The following FBXL22 variants were observed in gnomAD, a reference collection of about 807,000 sequenced individuals.
FBXL22 encodes F-box and leucine-rich protein 22.
FBXL22 carries 13 observed loss-of-function variants against 11.7 expected under a neutral mutation model. The observed-to-expected ratio is 1.11, with a 90% CI of 0.73 to 1.77. FBXL22 has a LOEUF of 1.77. Among genes scored for constraint, FBXL22 ranks in the 40% most tolerant of loss-of-function variants. The pLI is 0.00. For synonymous variants in FBXL22, 160 were observed against 144.1 expected, an observed-to-expected ratio of 1.11 and a Z score of -0.79; for missense variants, 406 against 320.4, an observed-to-expected ratio of 1.27 and a Z score of -2.04.
downstream of FBXL22, among the ~76,000 whole-genome samples, chr15:63,604,375 C>T (rs1029809206): frequency 6.6e-6 from 1 of 152,178 alleles, no homozygotes; most frequent in Non-Finnish European, 1.5e-5. Flanking sequence ...TCCCAGTTAA[C>T]CCTCCAATGC....
chr15:63,601,751 C>G, downstream of FBXL22: 1 of 1,518,670 alleles, frequency 6.6e-7, no homozygotes, highest in South Asian at 1.2e-5. Flanking sequence ...TGCATAGTTA[C>G]CCATATTTTC....
rs556267212 is a variant in FBXL22, at chr15:63,600,745, C to T, written c.402C>T (p.Thr134=). Residue 134 remains threonine (T), a synonymous_variant, in exon 2 of 2, where the codon ACC becomes ACT. Coordinates refer to ENST00000638704, the MANE Select transcript of FBXL22 (RefSeq NM_001367807.1). ...CGCTCTCGGGCTGCGGCCACGTTACCGACGACTGCCTGGCGCGCCTGCTGC... is the reference window on the plus strand; with the variant it reads ...CGCTCTCGGGCTGCGGCCACGTTACTGACGACTGCCTGGCGCGCCTGCTGC... ...SVTLSGCGHV[T]DDCLARLLRC... is the part of the protein sequence containing the mutation. 1.6e-6 allele frequency: 2 copies of T among 1,231,502 alleles called. No individual in the cohort carries two copies. Among genetic ancestry groups the T allele is most frequent in the African/African-American group, 1.5e-5 (1 of 64,522 alleles). The allele number at this position is 1,231,502 out of a possible 1,614,324, so 76.3% of individuals were successfully genotyped here.
At chr15:63,606,260 T>C (rs1595799831), downstream of FBXL22, among the ~76,000 whole-genome samples, 1 of 152,226 alleles carries the variant, frequency 6.6e-6, no homozygotes, top group Middle Eastern at 3.2e-3. Context: ...GCTCACAAGA[T>C]GTGGGCTTCA....
chr15:63,601,019 G>A lies in FBXL22; in HGVS notation c.676G>A (p.Gly226Ser), dbSNP rs977587996. The A allele has an allele frequency of 1.4e-5, 17 of 1,207,572 alleles. No homozygotes were observed. Among genetic ancestry groups the A allele is most frequent in the Middle Eastern group, 6.5e-4 (2 of 3,088 alleles). The allele number at this position is 1,207,572 out of a possible 1,614,324, so 74.8% of individuals were successfully genotyped here. A position where few individuals can be genotyped will look rare whatever the true frequency, so the allele number is the denominator to read the frequency against. ...PRPRAPAAALGKLLQR is the reference protein window; with the variant it reads ...PRPRAPAAALSKLLQR ...CCCGCGCGCGCCCGCCGCGGCCCTCGGCAAGCTGCTGCAGCGCTAGACGCC... is the reference window on the plus strand; with the variant it reads ...CCCGCGCGCGCCCGCCGCGGCCCTCAGCAAGCTGCTGCAGCGCTAGACGCC... Residue 226 changes from glycine to serine, a missense_variant, in exon 2 of 2, where the codon GGC becomes AGC. Transcript: ENST00000638704.
Position 63,597,844 on chromosome 15 carries a change from C to A in FBXL22, c.353+99C>A. The A allele has an allele frequency of 1.7e-6, 2 of 1,188,518 alleles. No individual in the cohort carries two copies. The highest frequency in any genetic ancestry group is 2.3e-6 in the Non-Finnish European group (2 of 868,774). The allele number at this position is 1,188,518 out of a possible 1,614,324, so 73.6% of individuals were successfully genotyped here. On this transcript the variant is annotated intron_variant, in intron 1 of 1. Coordinates refer to ENST00000638704, the MANE Select transcript of FBXL22 (RefSeq NM_001367807.1). This position sits in a 1 kb window ranked among gnomAD's most constrained non-coding sequence, Gnocchi z 4.3. ...AAATTACGAGACCAAGATGGCTCCA[C>A]CTTCGGGGCGCCTCAAACTAGGCCC...
chr15:63,605,255 G>C (rs2067407617), downstream of FBXL22, among the ~76,000 whole-genome samples: 1 of 152,202 alleles, frequency 6.6e-6, no homozygotes, highest in African/African-American at 2.4e-5. Flanking sequence ...CTGAGGTTGA[G>C]GGGGTGTTCT....
chr15:63,605,374 G>A (rs1410846410), downstream of FBXL22, among the ~76,000 whole-genome samples: 1 of 152,172 alleles, frequency 6.6e-6, no homozygotes, highest in Non-Finnish European at 1.5e-5. Context: ...GGGACTGGGG[G>A]ATAGGGGGAG....
In FBXL22 at chr15:63,599,593, G is replaced by C. The variant is rs989375270; in HGVS notation, c.354-1104G>C. 82 of 1,012,808 alleles carry C rather than the reference G, an allele frequency of 8.1e-5. No individual in the cohort carries two copies. In the African/African-American group the frequency reaches 1.3e-3, roughly 16 times the overall value. The allele number at this position is 1,012,808 out of a possible 1,614,324, so 62.7% of individuals were successfully genotyped here. A position where few individuals can be genotyped will look rare whatever the true frequency, so the allele number is the denominator to read the frequency against. ...ACAAACCTGAAGGAGGCCCGGGCTC[G>C]GTGTGACACCTGGCTGCACCCAACA... On this transcript the variant is annotated intron_variant, in intron 1 of 1. Transcript: ENST00000638704.
rs2067354667 is a variant in FBXL22, at chr15:63,600,751, C to G, written c.408C>G (p.Asp136Glu). The G allele has an allele frequency of 8.1e-7, 1 of 1,231,402 alleles. No individual in the cohort carries two copies. The highest frequency in any genetic ancestry group is 1.6e-5 in the African/African-American group (1 of 64,410). 76.3% of individuals were successfully genotyped at this position (1,231,402 alleles called of 1,614,324 possible). ...CGGGCTGCGGCCACGTTACCGACGACTGCCTGGCGCGCCTGCTGCGCTGCT... is the reference window on the plus strand; with the variant it reads ...CGGGCTGCGGCCACGTTACCGACGAGTGCCTGGCGCGCCTGCTGCGCTGCT... ...TLSGCGHVTDDCLARLLRCCP... is the reference protein window; with the variant it reads ...TLSGCGHVTDECLARLLRCCP... Residue 136 changes from aspartate (D) to glutamate (E), a missense_variant, in exon 2 of 2, where the codon GAC becomes GAG. Asp to Glu is a conservative substitution (Grantham distance 45). Transcript: ENST00000638704.
chr15:63,604,914 T>C (rs890765379), downstream of FBXL22, among the ~76,000 whole-genome samples: 106 of 152,182 alleles, frequency 7.0e-4, no homozygotes, highest in Non-Finnish European at 3.7e-4. Flanking sequence ...TAGCTAGGCA[T>C]GATGGCGGGT....
chr15:63,601,387 G>T (rs558022835), downstream of FBXL22: 1 of 1,603,246 alleles, frequency 6.2e-7, no homozygotes, highest in African/African-American at 1.3e-5. Flanking sequence ...ACCTCGGTGG[G>T]GAGGACCTGA....
At chr15:63,600,135 A>G in intron 1 of FBXL22, 3 of 985,860 alleles carry the variant, frequency 3.0e-6, no homozygotes, top group Non-Finnish European at 3.6e-6. Flanking sequence ...CAGGGGATGC[A>G]GGAACAGCTC....
chr15:63,600,365 A>T (rs1331363107), intron 1 of FBXL22: 1 of 1,106,722 alleles, frequency 9.0e-7, no homozygotes, highest in Non-Finnish European at 1.1e-6. Context: ...ACAAAGAGTC[A>T]AGGGTTGTGG....
chr15:63,605,402 G>A (rs761873704), downstream of FBXL22, among the ~76,000 whole-genome samples: 1 of 152,140 alleles, frequency 6.6e-6, no homozygotes, highest in Non-Finnish European at 1.5e-5. Context: ...CATATCCTTG[G>A]GGGGCTAGAA....
At chr15:63,599,847 C>A in intron 1 of FBXL22, 5 of 985,754 alleles carry the variant, frequency 5.1e-6, no homozygotes, top group Non-Finnish European at 6.0e-6. Flanking sequence ...GTTAGGACTG[C>A]CTGTGGAAGG....
intron 1 of FBXL22, chr15:63,599,687 G>A: frequency 2.0e-6 from 2 of 987,054 alleles, no homozygotes; most frequent in Non-Finnish European, 2.4e-6. Flanking sequence ...GGCAGTCACG[G>A]AGCTGCGGGG....
intron 1 of FBXL22, 184 bp from the exon 2 acceptor site, chr15:63,600,513 G>C: frequency 8.1e-7 from 1 of 1,228,226 alleles, no homozygotes; most frequent in Non-Finnish European, 1.0e-6. Context: ...TGCAGGGGCA[G>C]AAAGAGGAGG....
At chr15:63,599,619 T>C (rs1173276850) in intron 1 of FBXL22, 1 of 996,328 alleles carries the variant, frequency 1.0e-6, no homozygotes, top group African/African-American at 1.7e-5. Flanking sequence ...GCACCCAACA[T>C]ATTTAAGTTC....
At chr15:63,604,276 G>C (rs561374914), downstream of FBXL22, among the ~76,000 whole-genome samples, 1 of 152,272 alleles carries the variant, frequency 6.6e-6, no homozygotes, top group African/African-American at 2.4e-5. Flanking sequence ...TAAAGCAGGG[G>C]TCACTATAGG....
Sources: allele counts gnomAD v4.1 joint callset (sites outside exome capture counted in the v4.1 genomes callset), GRCh38; gene constraint gnomAD v4.1.1; non-coding constraint Gnocchi (gnomAD v3.1); transcripts MANE v1.5; gene names NCBI Gene and HGNC (gene_info 2026-07-23, HGNC 2026-07-21).